Variants in PLLP observed in about 807,000 individuals in gnomAD.
PLLP encodes the protein plasma membrane proteolipid (plasmolipin).
A neutral mutation model predicts 19.7 loss-of-function variants in PLLP; 15 were observed. The ratio of observed to expected loss-of-function variants is 0.76; its 90% CI spans 0.51 to 1.17. PLLP has a LOEUF of 1.17. Among genes scored for constraint, PLLP ranks in the 50% most tolerant of loss-of-function variants. The pLI is 0.00. For synonymous variants in PLLP, 111 were observed against 116.3 expected (o/e 0.95, Z 0.29); for missense variants, 255 against 258.3 (o/e 0.99, Z 0.09).
rs1293500828 is a variant in PLLP at position 57,284,671 on chromosome 16, T to A, written c.-131A>T. 1.1e-6 allele frequency: 1 copy of A among 944,142 alleles called. No homozygotes were observed. The highest frequency in any genetic ancestry group is 1.7e-5 in the African/African-American group (1 of 58,758). 58.5% of individuals were successfully genotyped at this position (944,142 alleles called of 1,614,324 possible). On this transcript the variant is annotated 5_prime_UTR_variant, in exon 1 of 4. Transcript: ENST00000219207. Reference sequence around the variant, plus strand: ...GTGGCTCCAGGCGCTGCAGGAGGCGTCGGGGCTGGGAGCCTGGGGCGCCAG... The same window carrying A: ...GTGGCTCCAGGCGCTGCAGGAGGCGACGGGGCTGGGAGCCTGGGGCGCCAG...
At position 57,284,566 on chromosome 16, in the gene PLLP, C is replaced by G. The variant is rs777011971; in HGVS notation, c.-26G>C. The G allele has an allele frequency of 1.5e-6, 2 of 1,327,356 alleles. No homozygotes were observed. Among genetic ancestry groups the G allele is most frequent in the East Asian group, 2.8e-5 (1 of 35,194 alleles). 82.2% of individuals were successfully genotyped at this position (1,327,356 alleles called of 1,614,324 possible). ...GGCGGCTCCGCTTGCCTCCCGAGGTCGCTACGGCCGCCGTCGCCGCCCCTC... is the reference window on the plus strand; with the variant it reads ...GGCGGCTCCGCTTGCCTCCCGAGGTGGCTACGGCCGCCGTCGCCGCCCCTC... On this transcript the variant is annotated 5_prime_UTR_variant, in exon 1 of 4. Coordinates refer to ENST00000219207, the MANE Select transcript of PLLP (RefSeq NM_015993.3).
intron 2 of PLLP, among the ~76,000 whole-genome samples, chr16:57,259,972 G>A (rs1597958472): frequency 7.3e-6 from 1 of 137,618 alleles, no homozygotes; most frequent in Admixed American, 7.4e-5. Flanking sequence ...GCGGGACTTT[G>A]TCTAAAAAAA....
chr16:57,281,517 C>CTTTTTTTT (rs771314004), intron 1 of PLLP, among the ~76,000 whole-genome samples: 2 of 130,138 alleles, frequency 1.5e-5, no homozygotes. Context: ...TTTTTTATTT[C>CTTTTTTTT]TTTTTTTTTT....
intron 1 of PLLP, among the ~76,000 whole-genome samples, chr16:57,267,655 A>C (rs1464519268): frequency 6.6e-6 from 1 of 152,020 alleles, no homozygotes; most frequent in Non-Finnish European, 1.5e-5. Context: ...AGGCAGGTGG[A>C]TCACCTAAGG....
chr16:57,279,358 CTT>C (rs760693199), intron 1 of PLLP, among the ~76,000 whole-genome samples: 18 of 148,470 alleles, frequency 1.2e-4, no homozygotes, highest in African/African-American at 3.9e-4. Flanking sequence ...TCTTCTTCTT[CTT>C]CCTTTTTTTT....
chr16:57,271,581 G>A (rs1166778344), intron 1 of PLLP, among the ~76,000 whole-genome samples: 3 of 151,858 alleles, frequency 2.0e-5, no homozygotes, highest in African/African-American at 7.3e-5. Context: ...GAAGGCAGAG[G>A]TTACAGTGAG....
At chr16:57,257,322 G>A (rs551250213) in intron 3 of PLLP, among the ~76,000 whole-genome samples, 41 of 152,296 alleles carry the variant, frequency 2.7e-4, no homozygotes, top group Non-Finnish European at 2.9e-5. Context: ...CAAGGATTTA[G>A]TTCTAAAAAG....
rs111817215 is a variant in PLLP, at chr16:57,280,275, C to T, written c.135+4131G>A. ...ATCCTGTGTGACCTTGGACAAGTTC[C>T]TCACCCTCTCGGAGCCTATTTACTT... On this transcript the variant is annotated intron_variant, in intron 1 of 3. Transcript: ENST00000219207. Among the ~76,000 whole-genome samples the T allele has an allele frequency of 5.6e-3, 856 of 152,300 alleles. 7 individuals are homozygous for T. The highest frequency in any genetic ancestry group is 0.02 in the African/African-American group (821 of 41,556).
At chr16:57,278,510 T>A (rs1901180781) in intron 1 of PLLP, among the ~76,000 whole-genome samples, 3 of 152,100 alleles carry the variant, frequency 2.0e-5, no homozygotes, top group African/African-American at 7.3e-5. Context: ...TCTGTACAGG[T>A]TTTTTTATTT....
At chr16:57,274,041 G>A (rs76954896) in intron 1 of PLLP, among the ~76,000 whole-genome samples, 5,550 of 152,136 alleles carry the variant, frequency 0.036, 272 homozygotes, top group South Asian at 0.25. Context: ...AGGCTGGACT[G>A]TAGTGGCGTG....
chr16:57,279,581 G>T (rs1303032335), intron 1 of PLLP, among the ~76,000 whole-genome samples: 1 of 151,966 alleles, frequency 6.6e-6, no homozygotes. Context: ...GGCCTGAAGT[G>T]GGAGGATCGT....
chr16:57,265,953 G>T (rs1199185462), intron 1 of PLLP, among the ~76,000 whole-genome samples: 7 of 152,148 alleles, frequency 4.6e-5, no homozygotes, highest in Admixed American at 1.3e-4. Flanking sequence ...TGGAGCCTGG[G>T]AAGTCAAGGC....
intron 2 of PLLP, among the ~76,000 whole-genome samples, chr16:57,260,240 C>T (rs937808339): frequency 6.6e-6 from 1 of 152,180 alleles, no homozygotes; most frequent in Non-Finnish European, 1.5e-5. Flanking sequence ...CTGCCCCATT[C>T]GTTGAGGGTC....
At chr16:57,280,793 T>G (rs1376690137) in intron 1 of PLLP, among the ~76,000 whole-genome samples, 1 of 152,216 alleles carries the variant, frequency 6.6e-6, no homozygotes, top group Admixed American at 6.5e-5. Flanking sequence ...TGGTGTTCTT[T>G]CTGAATCTAC....
chr16:57,272,484 A>G (rs1394467997), intron 1 of PLLP, among the ~76,000 whole-genome samples: 1 of 152,218 alleles, frequency 6.6e-6, no homozygotes, highest in East Asian at 1.9e-4. Context: ...TGTTGGAAGT[A>G]TATAGAGCCT....
intron 3 of PLLP, 27 bp downstream of exon 3, chr16:57,258,434 AC>A: frequency 2.5e-6 from 4 of 1,603,890 alleles, no homozygotes; most frequent in Non-Finnish European, 3.4e-6. Flanking sequence ...CCTGCAGACC[AC>A]CAAGGGAGCC....
intron 1 of PLLP, among the ~76,000 whole-genome samples, chr16:57,274,461 T>G (rs1429567730): frequency 3.3e-5 from 5 of 152,160 alleles, no homozygotes; most frequent in Admixed American, 1.3e-4. Context: ...TTTGTTTTTG[T>G]TTTTGTTTTG....
chr16:57,269,423 C>T (rs1377171039), intron 1 of PLLP, among the ~76,000 whole-genome samples: 1 of 152,158 alleles, frequency 6.6e-6, no homozygotes, highest in Non-Finnish European at 1.5e-5. Context: ...GGTACAGGGA[C>T]CCTAGGGGGA....
chr16:57,264,614 G>A (rs113885775), intron 1 of PLLP, among the ~76,000 whole-genome samples: 58,923 of 152,104 alleles, frequency 0.39, 11,604 homozygotes, highest in South Asian at 0.41. Flanking sequence ...GGAGGCCAAG[G>A]TGGGAGGATT....
Sources: allele counts gnomAD v4.1 joint callset (sites outside exome capture counted in the v4.1 genomes callset), GRCh38; gene constraint gnomAD v4.1.1; transcripts MANE v1.5; gene names NCBI Gene and HGNC (gene_info 2026-07-23, HGNC 2026-07-21).